Variants in FAM153A observed in about 807,000 individuals in gnomAD.
FAM153A encodes the protein family with sequence similarity 153 member A.
A neutral mutation model predicts 48.1 loss-of-function variants in FAM153A; 12 were observed. The observed-to-expected ratio is 0.25, with a 90% CI of 0.16 to 0.40. The LOEUF (loss-of-function observed/expected upper bound fraction) is 0.40, where lower values mean the gene tolerates loss of function less well. Among genes scored for constraint, FAM153A ranks in the 10% least tolerant of loss-of-function variants. FAM153A has a pLI of 1.00. For missense variants in FAM153A, 111 were observed against 345.8 expected, an observed-to-expected ratio of 0.32 and a Z score of 5.38; for synonymous variants, 36 against 118.2, an observed-to-expected ratio of 0.30 and a Z score of 4.51.
the FAM153A span, among the ~76,000 whole-genome samples, chr5:177,702,144 G>A: frequency 1.0e-3 from 152 of 151,890 alleles, 2 homozygotes; most frequent in East Asian, 0.027. Context: ...TCCTGACCTC[G>A]TGATCCACCT....
At chr5:177,715,111 T>TA (rs1759400019) in intron 25 of FAM153A, among the ~76,000 whole-genome samples, 1 of 147,286 alleles carries the variant, frequency 6.8e-6, no homozygotes, top group South Asian at 2.3e-4. Context: ...CTCAAATTGA[T>TA]AGAGACGACC....
chr5:177,738,851 C>G (rs1205447061), intron 10 of FAM153A, among the ~76,000 whole-genome samples: 1 of 151,706 alleles, frequency 6.6e-6, no homozygotes, highest in Non-Finnish European at 1.5e-5. Flanking sequence ...CATTCATAAT[C>G]CCTATACATA....
intron 24 of FAM153A, among the ~76,000 whole-genome samples, chr5:177,716,661 T>A (rs527359248): frequency 2.6e-4 from 40 of 152,000 alleles, no homozygotes; most frequent in African/African-American, 9.2e-4. Context: ...ATAGTCACTA[T>A]TTAGTAAAAT....
downstream of FAM153A, among the ~76,000 whole-genome samples, chr5:177,706,506 C>T (rs1056417588): frequency 2.0e-5 from 3 of 151,992 alleles, no homozygotes; most frequent in South Asian, 2.1e-4. Flanking sequence ...GCCAAAAATA[C>T]ATTTATTAGA....
chr5:177,696,065 T>A, the FAM153A span, among the ~76,000 whole-genome samples: 1 of 85,656 alleles, frequency 1.2e-5, no homozygotes, highest in Non-Finnish European at 2.3e-5. Flanking sequence ...ACTTCCCAGA[T>A]GATGGGCGGC....
upstream of FAM153A, among the ~76,000 whole-genome samples, chr5:177,782,003 A>G (rs1582558212): frequency 9.6e-6 from 1 of 103,676 alleles, no homozygotes; most frequent in Admixed American, 1.0e-4. Flanking sequence ...TGCTGGGATT[A>G]CAGGCCTGAG....
At chr5:177,781,221 C>G (rs1307165124), upstream of FAM153A, among the ~76,000 whole-genome samples, 1 of 122,298 alleles carries the variant, frequency 8.2e-6, no homozygotes, top group East Asian at 2.4e-4. Flanking sequence ...GCCTCAGCCT[C>G]CGGAGTAGCT....
downstream of FAM153A, among the ~76,000 whole-genome samples, chr5:177,709,112 AAAAAAAAAAAAAAAAAAAAAGAAAG>A (rs1282994204): frequency 4.5e-5 from 5 of 111,420 alleles, no homozygotes; most frequent in Admixed American, 4.4e-4. Flanking sequence ...AAAAAAAAAA[AAAAAAAAAAAAAAAAAAAAAGAAAG>A]AAAAGCCTAG....
At chr5:177,702,027 C>G in the FAM153A span, among the ~76,000 whole-genome samples, 1 of 151,640 alleles carries the variant, frequency 6.6e-6, no homozygotes, top group Non-Finnish European at 1.5e-5. Context: ...CCTGCCTCAG[C>G]CTCCCGAGTA....
At chr5:177,709,093 CAAAAAAAAAAAAAAAAAAAAAAAAAAA>C (rs56257501), downstream of FAM153A, among the ~76,000 whole-genome samples, 2 of 34,106 alleles carry the variant, frequency 5.9e-5, no homozygotes, top group African/African-American at 8.9e-5. Flanking sequence ...GACTCCGTCT[CAAAAAAAAAAAAAAAAAAAAAAAAAAA>C]AAAAAAAAAA....
intron 1 of FAM153A, among the ~76,000 whole-genome samples, chr5:177,778,623 A>C (rs1769414965): frequency 1.1e-5 from 1 of 92,972 alleles, no homozygotes; most frequent in African/African-American, 4.3e-5. Context: ...TAAAAGGAAA[A>C]TTAGCCAAGT....
At chr5:177,708,510 G>T (rs556457075), downstream of FAM153A, among the ~76,000 whole-genome samples, 1 of 151,954 alleles carries the variant, frequency 6.6e-6, no homozygotes, top group East Asian at 1.9e-4. Context: ...CCGGGAGGCG[G>T]AGGTTGCGGT....
At chr5:177,738,651 G>T (rs1488276073) in intron 10 of FAM153A, among the ~76,000 whole-genome samples, 3 of 151,210 alleles carry the variant, frequency 2.0e-5, no homozygotes, top group African/African-American at 7.4e-5. Context: ...ATTCATCTCT[G>T]CACTATCTCC....
chr5:177,695,488 C>CA, the FAM153A span, among the ~76,000 whole-genome samples: 1 of 152,210 alleles, frequency 6.6e-6, no homozygotes, highest in Non-Finnish European at 1.5e-5. Context: ...CTTCAGGCAT[C>CA]TGTTTAACAA....
chr5:177,708,294 G>A (rs866450405), downstream of FAM153A, among the ~76,000 whole-genome samples: 495 of 69,246 alleles, frequency 7.1e-3, 16 homozygotes, highest in Non-Finnish European at 0.01. Context: ...TCTTTTTCAT[G>A]GGCAGGCATG....
chr5:177,729,554 A>C lies in FAM153A; in HGVS notation c.864T>G (p.Ser288Arg), dbSNP rs753649908. The C allele has an allele frequency of 1.9e-6, 3 of 1,608,868 alleles. No individual in the cohort carries two copies. In the African/African-American group the frequency reaches 4.1e-5, roughly 22 times the overall value. Reference sequence around the variant, plus strand: ...CATGCTCCTCCAGGTCTTCCAGGTCACCTAGGAAACAGAGTCGCTATAAGC... The same window carrying C: ...CATGCTCCTCCAGGTCTTCCAGGTCCCCTAGGAAACAGAGTCGCTATAAGC... The change falls in exon 17 of 21, where the codon AGT becomes AGG. Residue 288 changes from serine (S) to arginine (R), a missense_variant and splice_region_variant. Physicochemically the swap from Ser to Arg is moderately radical, Grantham distance 110 (BLOSUM62 -1). Transcript: ENST00000614127.
intron 1 of FAM153A, among the ~76,000 whole-genome samples, chr5:177,760,387 C>T (rs1237277667): frequency 4.1e-5 from 3 of 73,864 alleles, no homozygotes; most frequent in Non-Finnish European, 7.6e-5. Flanking sequence ...CAGGCGCCCG[C>T]CACTGTGCCC....
intron 11 of FAM153A, 77 bp downstream of exon 13, chr5:177,736,965 A>G (rs1336545431): frequency 8.2e-7 from 1 of 1,218,300 alleles, no homozygotes; most frequent in Admixed American, 2.8e-5. Context: ...GGTGAGATGT[A>G]TACATCTTAA....
rs1387746148 is a variant in FAM153A at position 177,769,250 on chromosome 5, A to G, written c.-57+11199T>C. On this transcript the variant is annotated intron_variant, in intron 1 of 8. Coordinates refer to the FAM153A transcript ENST00000393518. ...CGTCCCAAAAAAAAAAAAAAAAAAAAGGGTGAGAACCGTGCAATATATTTC... is the reference window on the plus strand; with the variant it reads ...CGTCCCAAAAAAAAAAAAAAAAAAAGGGGTGAGAACCGTGCAATATATTTC... 1.1e-3 allele frequency among the ~76,000 whole-genome samples: 101 copies of G among 92,760 alleles called. 19 individuals are homozygous for G. Among genetic ancestry groups the G allele is most frequent in the African/African-American group, 3.8e-3 (89 of 23,320 alleles). 60.9% of individuals were successfully genotyped at this position (92,760 alleles called of 152,430 possible).
Sources: allele counts gnomAD v4.1 joint callset (sites outside exome capture counted in the v4.1 genomes callset), GRCh38; gene constraint gnomAD v4.1.1; transcripts MANE v1.5; gene names NCBI Gene and HGNC (gene_info 2026-07-23, HGNC 2026-07-21).